Variants in MLXIPL observed in about 807,000 individuals in gnomAD.
MLXIPL encodes the protein MLX interacting protein like.
In MLXIPL, 49 loss-of-function variants were observed where a neutral mutation model predicts 81.5. The ratio of observed to expected loss-of-function variants is 0.60; its 90% CI spans 0.48 to 0.76. The LOEUF is 0.76. MLXIPL is among the 30% of genes least tolerant of loss of function. The pLI is 0.00. For synonymous variants in MLXIPL, 466 were observed against 485.5 expected (o/e 0.96, Z 0.53); for missense variants, 1,053 against 1,167.0 (o/e 0.90, Z 1.42).
In MLXIPL at chr7:73,624,185, C is replaced by T; in HGVS notation, c.293+15G>A. 2 of 1,563,594 alleles carry T rather than the reference C, an allele frequency of 1.3e-6. No individual in the cohort carries two copies. The highest frequency in any genetic ancestry group is 1.7e-6 in the Non-Finnish European group (2 of 1,156,142). On this transcript the variant is annotated intron_variant, in intron 1 of 16. Coordinates refer to ENST00000313375, the MANE Select transcript of MLXIPL (RefSeq NM_032951.3). ...CCTGGAAGCCAAGGCCGTCAGGGCC[C>T]GGAACCGCCCTCACCTGTAGGCCAG...
intron 7 of MLXIPL, among the ~76,000 whole-genome samples, chr7:73,600,804 A>G (rs1330967846): frequency 6.6e-6 from 1 of 150,630 alleles, no homozygotes; most frequent in Non-Finnish European, 1.5e-5. Flanking sequence ...GAGCTGGGGG[A>G]GGCAGTAGCG....
chr7:73,627,023 T>G (rs762958357), upstream of MLXIPL, among the ~76,000 whole-genome samples: 169 of 152,270 alleles, frequency 1.1e-3, no homozygotes, highest in Admixed American at 1.8e-3. Flanking sequence ...GGCCAGCCCT[T>G]CCACCCACCT....
At position 73,607,366 on chromosome 7, in the gene MLXIPL, C is replaced by T. The variant is rs782412129; in HGVS notation, c.538G>A (p.Glu180Lys). ...WKRRIEVVMR[E>K]YHKWRIYYKK... ...TAGTAGATGCGCCACTTGTGGTATT[C>T]CCGCATCACCACCTCGATGCGCCGC... The change falls in exon 4 of 17, where the codon GAA becomes AAA. Residue 180 changes from glutamate (E) to lysine (K), a missense_variant. Coordinates refer to ENST00000313375, the MANE Select transcript of MLXIPL (RefSeq NM_032951.3). The T allele has an allele frequency of 5.7e-6, 9 of 1,567,530 alleles. No homozygotes were observed. Among genetic ancestry groups the T allele is most frequent in the Non-Finnish European group, 6.1e-6 (7 of 1,155,872 alleles).
chr7:73,609,061 G>T (rs1795514185), intron 2 of MLXIPL, among the ~76,000 whole-genome samples: 1 of 151,950 alleles, frequency 6.6e-6, no homozygotes, highest in African/African-American at 2.4e-5. Flanking sequence ...CTCTTGTCTT[G>T]GCCTCCCAAG....
intron 2 of MLXIPL, among the ~76,000 whole-genome samples, chr7:73,609,086 G>C (rs1795515926): frequency 6.6e-6 from 1 of 152,012 alleles, no homozygotes; most frequent in African/African-American, 2.4e-5. Flanking sequence ...TGGGATTACA[G>C]GCGTGAGCCA....
chr7:73,626,204 A>G (rs1440834786), upstream of MLXIPL, among the ~76,000 whole-genome samples: 8 of 152,270 alleles, frequency 5.3e-5, no homozygotes, highest in Non-Finnish European at 1.0e-4. Flanking sequence ...AGGTTTCTCC[A>G]TGCTGGCCAG....
chr7:73,646,239 C>T, the MLXIPL span, among the ~76,000 whole-genome samples: 1 of 152,172 alleles, frequency 6.6e-6, no homozygotes, highest in Non-Finnish European at 1.5e-5. Context: ...TGCCTGAAGG[C>T]ACTAGAGACT....
At chr7:73,644,285 GC>G in the MLXIPL span, among the ~76,000 whole-genome samples, 1 of 151,266 alleles carries the variant, frequency 6.6e-6, no homozygotes, top group African/African-American at 2.4e-5. Context: ...TCGGCTCACT[GC>G]AACCTCCACC....
chr7:73,598,420 T>G (rs1313694050), intron 8 of MLXIPL, among the ~76,000 whole-genome samples: 1 of 152,082 alleles, frequency 6.6e-6, no homozygotes, highest in Non-Finnish European at 1.5e-5. Flanking sequence ...TAACCACCAA[T>G]GAACCCATTC....
At position 73,593,771 on chromosome 7, in the gene MLXIPL, G is replaced by T; in HGVS notation, c.*94C>A. ...GGGAAGGGCAGAGCCAGGGCCTGGG[G>T]CAGGAAGGGAGTGCCCAGAGATGAT... On this transcript the variant is annotated 3_prime_UTR_variant, in exon 17 of 17. Coordinates refer to ENST00000313375, the MANE Select transcript of MLXIPL (RefSeq NM_032951.3). 8.9e-7 allele frequency: 1 copy of T among 1,123,550 alleles called. No homozygotes were observed. Among genetic ancestry groups the T allele is most frequent in the Admixed American group, 1.7e-5 (1 of 59,082 alleles). The allele number at this position is 1,123,550 out of a possible 1,614,324, so 69.6% of individuals were successfully genotyped here. A position where few individuals can be genotyped will look rare whatever the true frequency, so the allele number is the denominator to read the frequency against.
intron 2 of MLXIPL, among the ~76,000 whole-genome samples, chr7:73,612,958 G>A (rs1292163447): frequency 1.3e-5 from 2 of 152,184 alleles, no homozygotes; most frequent in African/African-American, 2.4e-5. Flanking sequence ...AAAGTGGAAA[G>A]TCCTTCTTGC....
chr7:73,594,438 C>T (rs986192872), intron 15 of MLXIPL, 35 bp from the exon 16 acceptor site: 15 of 1,599,056 alleles, frequency 9.4e-6, no homozygotes, highest in Non-Finnish European at 1.3e-5. Context: ...TGTGGTCCAG[C>T]TGGTCCCCCC....
intron 2 of MLXIPL, among the ~76,000 whole-genome samples, chr7:73,614,272 G>C (rs1178861354): frequency 6.6e-6 from 1 of 152,068 alleles, no homozygotes; most frequent in African/African-American, 2.4e-5. Context: ...TTGGAGTTGG[G>C]GAACTGTGGA....
At chr7:73,637,198 C>T in the MLXIPL span, among the ~76,000 whole-genome samples, 1 of 151,888 alleles carries the variant, frequency 6.6e-6, no homozygotes, top group Non-Finnish European at 1.5e-5. Context: ...CAAAAAGGGG[C>T]CTTGTGCAGT....
chr7:73,617,003 GTTTGGTTTTT>G (rs1554600940), intron 1 of MLXIPL, among the ~76,000 whole-genome samples: 2 of 152,030 alleles, frequency 1.3e-5, no homozygotes, highest in African/African-American at 4.8e-5. Context: ...TTTTGGTTTG[GTTTGGTTTTT>G]TTTGGTTTGC....
At chr7:73,630,060 C>T in the MLXIPL span, among the ~76,000 whole-genome samples, 11 of 151,484 alleles carry the variant, frequency 7.3e-5, no homozygotes, top group East Asian at 1.5e-3. Context: ...TGCAGTGGCA[C>T]GATCTCAGCT....
intron 5 of MLXIPL, chr7:73,606,409 T>C: frequency 2.0e-6 from 1 of 497,904 alleles, no homozygotes; most frequent in Non-Finnish European, 3.5e-6. Context: ...TTTTTTTTGT[T>C]TGTTTTCTTT....
intron 15 of MLXIPL, among the ~76,000 whole-genome samples, chr7:73,594,960 C>G (rs2116147875): frequency 6.6e-6 from 1 of 151,884 alleles, no homozygotes; most frequent in South Asian, 2.1e-4. Context: ...GTTCTCCTGC[C>G]TCAGCCTCCC....
At chr7:73,624,616 T>TGGGAC, upstream of MLXIPL, 1 of 1,380,926 alleles carries the variant, frequency 7.2e-7, no homozygotes, top group Non-Finnish European at 9.3e-7. Flanking sequence ...GGGCGGGGCC[T>TGGGAC]GGGACGGGGC....
Sources: allele counts gnomAD v4.1 joint callset (sites outside exome capture counted in the v4.1 genomes callset), GRCh38; gene constraint gnomAD v4.1.1; transcripts MANE v1.5; gene names NCBI Gene and HGNC (gene_info 2026-07-23, HGNC 2026-07-21).